The following RFESD variants were observed in gnomAD, a reference collection of about 807,000 sequenced individuals.
RFESD encodes the protein Rieske Fe-S domain containing, also known as Rieske domain-containing protein.
A neutral mutation model predicts 24.4 loss-of-function variants in RFESD; 16 were observed. The observed-to-expected ratio is 0.66, with a 90% CI of 0.44 to 1.00. The LOEUF is 1.00. RFESD is among the 50% of genes least tolerant of loss of function. The probability of loss-of-function intolerance (pLI) is 0.00; values close to 1 mark genes in which losing one functional copy is unlikely to be tolerated. For synonymous variants in RFESD, 59 were observed against 81.8 expected, an observed-to-expected ratio of 0.72 and a Z score of 1.50; for missense variants, 208 against 247.0, an observed-to-expected ratio of 0.84 and a Z score of 1.06.
At chr5:95,651,181 T>C (rs1201640281) in intron 1 of RFESD, among the ~76,000 whole-genome samples, 1 of 151,510 alleles carries the variant, frequency 6.6e-6, no homozygotes, top group East Asian at 1.9e-4. Context: ...GGAATTACAA[T>C]GCAGATTCCT....
intron 1 of RFESD, among the ~76,000 whole-genome samples, chr5:95,651,188 TC>T (rs1561385387): frequency 1.3e-5 from 2 of 152,124 alleles, no homozygotes. Context: ...CAATGCAGAT[TC>T]CTTTTGATCA....
At chr5:95,652,980 G>C in intron 2 of RFESD, 137 bp from the exon 3 acceptor site, 2 of 1,204,638 alleles carry the variant, frequency 1.7e-6, no homozygotes, top group South Asian at 3.3e-5. Flanking sequence ...TTTGCTCTTA[G>C]AGTAAAATCC....
rs761943983 is a variant in RFESD, at chr5:95,656,279, A to G, written c.603A>G (p.Gly201=). ...GTGACTCTGATTTTTATGCCACTGG[A>G]GACTTCAAAGTAATTAAGAGTTCTT... ...FKCDSDFYAT[G]DFKVIKSSS Residue 201 remains glycine (G), a synonymous_variant, in exon 6 of 6, where the codon GGA becomes GGG. Transcript: ENST00000380005. The G allele has an allele frequency of 1.2e-6, 2 of 1,612,494 alleles. No homozygotes were observed. The highest frequency in any genetic ancestry group is 1.7e-6 in the Non-Finnish European group (2 of 1,178,638).
Position 95,649,513 on chromosome 5 carries a change from G to T in RFESD, c.-135-2624G>T, listed in dbSNP as rs533411810. On this transcript the variant is annotated intron_variant, in intron 1 of 5. Coordinates refer to ENST00000380005, the MANE Select transcript of RFESD (RefSeq NM_001131066.2). The stretch of plus-strand genomic sequence containing the variant: ...TTTCTGTGGCATATACCCAAAGTGG[G>T]ATTATTATTATGTTTAACTTTACTA... Among the ~76,000 whole-genome samples, 7 of 152,266 alleles carry T rather than the reference G, an allele frequency of 4.6e-5. No homozygotes were observed. In the South Asian group the frequency reaches 1.2e-3, roughly 27 times the overall value.
chr5:95,656,168 C>T lies in RFESD; in HGVS notation c.492C>T (p.Cys164=). Residue 164 remains cysteine, a synonymous_variant, in exon 6 of 6, where the codon TGC becomes TGT. Coordinates refer to ENST00000380005, the MANE Select transcript of RFESD (RefSeq NM_001131066.2). ...ATCCATCAGCAAAACCCAAGTGGTG[C>T]TCCAAAGGAATAAAGCAAAGGATTC... The part of the protein sequence containing the change: ...PKDPSAKPKW[C]SKGIKQRIHT... 1.2e-6 allele frequency: 2 copies of T among 1,614,052 alleles called. No individual in the cohort carries two copies. Among genetic ancestry groups the T allele is most frequent in the Non-Finnish European group, 8.5e-7 (1 of 1,179,922 alleles).
chr5:95,653,255 T>C, intron 3 of RFESD, 41 bp downstream of exon 3: 1 of 1,550,510 alleles, frequency 6.4e-7, no homozygotes, highest in Non-Finnish European at 8.7e-7. Flanking sequence ...CACCTTCTCT[T>C]GCTGTAATAG....
rs1750119145 is a variant in RFESD at position 95,646,830 on chromosome 5, C to T, written c.-136+13C>T. 6.6e-6 allele frequency: 1 copy of T among 152,396 alleles called. No individual in the cohort carries two copies. Among genetic ancestry groups the T allele is most frequent in the Admixed American group, 6.5e-5 (1 of 15,290 alleles). 9.4% of individuals were successfully genotyped at this position (152,396 alleles called of 1,614,324 possible). ...GGACTCGGGGACAGTAAGTTCTGTT[C>T]TCGCCGCGCAGGGGGCGGGCTGGCG... is the stretch of plus-strand genomic sequence containing the variant. On this transcript the variant is annotated intron_variant, in intron 1 of 5. Transcript: ENST00000380005.
At chr5:95,650,786 T>C (rs1439456920) in intron 1 of RFESD, among the ~76,000 whole-genome samples, 1 of 151,980 alleles carries the variant, frequency 6.6e-6, no homozygotes, top group Admixed American at 6.6e-5. Context: ...TACACCGAGG[T>C]ACAAATGCCT....
At chr5:95,651,312 A>G (rs1346835448) in intron 1 of RFESD, among the ~76,000 whole-genome samples, 3 of 152,182 alleles carry the variant, frequency 2.0e-5, no homozygotes. Flanking sequence ...ATTTATTTGA[A>G]GTTGACAACT....
intron 2 of RFESD, 47 bp from the exon 3 acceptor site, chr5:95,653,070 C>T (rs1192041131): frequency 1.3e-6 from 2 of 1,548,880 alleles, no homozygotes; most frequent in African/African-American, 2.7e-5. Flanking sequence ...AACACATTCA[C>T]CAAGACTTTT....
intron 1 of RFESD, among the ~76,000 whole-genome samples, chr5:95,649,336 A>G (rs1037300895): frequency 1.3e-5 from 2 of 152,180 alleles, no homozygotes; most frequent in East Asian, 1.9e-4. Flanking sequence ...AATTAAGCCA[A>G]CTTGATGTAG....
At chr5:95,646,926 C>T (rs1301646945) in intron 1 of RFESD, 109 bp downstream of exon 1, 2 of 152,408 alleles carry the variant, frequency 1.3e-5, no homozygotes, top group African/African-American at 4.8e-5. Flanking sequence ...CGCTGCGGGG[C>T]CTGAGGCCCT....
chr5:95,650,967 G>A (rs994222878), intron 1 of RFESD, among the ~76,000 whole-genome samples: 3 of 151,852 alleles, frequency 2.0e-5, no homozygotes, highest in East Asian at 1.9e-4. Flanking sequence ...GTGTGGTGGC[G>A]GGCGCCTGTA....
At chr5:95,652,414 T>C in intron 2 of RFESD, 83 bp downstream of exon 2, 3 of 1,500,058 alleles carry the variant, frequency 2.0e-6, no homozygotes, top group Admixed American at 4.1e-5. Context: ...TATATCTGGT[T>C]GTTGACTTGA....
chr5:95,646,893 C>T (rs1444525102), intron 1 of RFESD, 76 bp downstream of exon 1: 5 of 152,460 alleles, frequency 3.3e-5, no homozygotes, highest in Non-Finnish European at 7.3e-5. Flanking sequence ...GGCGTGGACT[C>T]CTCATTCCGG....
chr5:95,652,685 G>A (rs1358180644), intron 2 of RFESD: 1 of 239,168 alleles, frequency 4.2e-6, no homozygotes, highest in East Asian at 8.7e-5. Flanking sequence ...TAGTAACATG[G>A]AGGATTAAAG....
intron 3 of RFESD, 85 bp from the exon 4 acceptor site, chr5:95,653,976 C>G: frequency 9.2e-7 from 1 of 1,081,278 alleles, no homozygotes; most frequent in Non-Finnish European, 1.3e-6. Flanking sequence ...AAAGTCCGAA[C>G]TATTCATTCT....
chr5:95,652,836 A>C, intron 2 of RFESD: 1 of 379,322 alleles, frequency 2.6e-6, no homozygotes. Context: ...CACCTTTTTC[A>C]TGGACCCCTA....
At position 95,657,449 on chromosome 5, in the gene RFESD, T is replaced by A. The variant is rs1374799681; in HGVS notation, c.*1140T>A. 2.6e-5 allele frequency: 4 copies of A among 151,696 alleles called. No individual in the cohort carries two copies. The highest frequency in any genetic ancestry group is 3.9e-4 in the East Asian group (2 of 5,108). The allele number at this position is 151,696 out of a possible 1,614,324, so 9.4% of individuals were successfully genotyped here. A position where few individuals can be genotyped will look rare whatever the true frequency, so the allele number is the denominator to read the frequency against. On this transcript the variant is annotated 3_prime_UTR_variant, in exon 6 of 6. Coordinates refer to ENST00000380005, the MANE Select transcript of RFESD (RefSeq NM_001131066.2). ...ACCACTATGTGGGACCAGAAATAGCTAAAATGAGTAGATGATGAATTCAGA... is the reference window on the plus strand; with the variant it reads ...ACCACTATGTGGGACCAGAAATAGCAAAAATGAGTAGATGATGAATTCAGA...
Sources: allele counts gnomAD v4.1 joint callset (sites outside exome capture counted in the v4.1 genomes callset), GRCh38; gene constraint gnomAD v4.1.1; transcripts MANE v1.5; gene names NCBI Gene and HGNC (gene_info 2026-07-23, HGNC 2026-07-21).